PHYHD1: variants seen among roughly 807,000 people sequenced by gnomAD.
PHYHD1 encodes the protein phytanoyl-CoA dioxygenase domain-containing protein 1.
In PHYHD1, 42 loss-of-function variants were observed where a neutral mutation model predicts 43.6. The observed-to-expected ratio is 0.96, with a 90% CI of 0.75 to 1.25. The LOEUF is 1.25. Among genes scored for constraint, PHYHD1 ranks in the 50% most tolerant of loss-of-function variants. The probability of loss-of-function intolerance (pLI) is 0.00; values close to 1 mark genes in which losing one functional copy is unlikely to be tolerated. For missense variants in PHYHD1, 342 were observed against 370.8 expected (o/e 0.92, Z 0.64); for synonymous variants, 139 against 143.6 (o/e 0.97, Z 0.23).
chr9:128,940,436 C>A lies in PHYHD1; in HGVS notation c.525C>A (p.Ile175=). Residue 175 remains isoleucine, a synonymous_variant, in exon 10 of 13, where the codon ATC becomes ATA. Transcript: ENST00000372592. ...TGGGCCGGGTGCTGGGCGTGTGGAT[C>A]GCAGTGGAGGATGCCACGCTGGAGA... ...EPLGRVLGVW[I]AVEDATLENG... The A allele has an allele frequency of 6.2e-7, 1 of 1,614,170 alleles. No individual in the cohort carries two copies. The highest frequency in any genetic ancestry group is 8.5e-7 in the Non-Finnish European group (1 of 1,180,042).
chr9:128,939,345 C>G (rs531328832), intron 9 of PHYHD1, among the ~76,000 whole-genome samples: 2 of 127,294 alleles, frequency 1.6e-5, no homozygotes, highest in South Asian at 5.3e-4. Flanking sequence ...TTTGGGAGGC[C>G]GAGGGGGTAG....
chr9:128,937,731 C>A (rs775724241), intron 8 of PHYHD1, 26 bp from the exon 9 acceptor site: 137 of 1,613,726 alleles, frequency 8.5e-5, no homozygotes, highest in Non-Finnish European at 1.1e-4. Flanking sequence ...CTTCTGTCCT[C>A]ACCAGGCTTT....
Position 128,936,450 on chromosome 9 carries a change from C to G in PHYHD1, c.319C>G (p.Leu107Val). The G allele has an allele frequency of 6.2e-7, 1 of 1,611,996 alleles. No homozygotes were observed. The highest frequency in any genetic ancestry group is 8.5e-7 in the Non-Finnish European group (1 of 1,179,298). The change falls in exon 7 of 13, where the codon CTG (leucine) becomes GTG (valine). Residue 107 changes from leucine to valine, a missense_variant and splice_region_variant. Physicochemically the swap from Leu to Val is conservative, Grantham distance 32 (BLOSUM62 1). Coordinates refer to ENST00000372592, the MANE Select transcript of PHYHD1 (RefSeq NM_001100876.2). ...GACAGCTTCCTTCTGTCCCATAGCT[C>G]TGCACGCCCACGACCCCGTCTTCAA... is the stretch of plus-strand genomic sequence containing the variant. The part of the protein sequence containing the change: ...EKSINKIGHA[L>V]HAHDPVFKSI...
chr9:128,932,154 A>ATTATTATTATTATTG (rs1270926740), intron 4 of PHYHD1, among the ~76,000 whole-genome samples: 28 of 109,712 alleles, frequency 2.6e-4, no homozygotes, highest in Non-Finnish European at 5.2e-4. Flanking sequence ...CAGTTCTATT[A>ATTATTATTATTATTG]TTATTATTAT....
intron 11 of PHYHD1, among the ~76,000 whole-genome samples, chr9:128,941,003 GTGAGATGAT>G (rs1190182217): frequency 1.3e-4 from 20 of 152,234 alleles, no homozygotes; most frequent in African/African-American, 4.8e-4. Flanking sequence ...TGGAAAGTCA[GTGAGATGAT>G]AAATATGTTG....
chr9:128,932,166 A>ATTT (rs1564540372), intron 4 of PHYHD1, among the ~76,000 whole-genome samples: 12 of 122,714 alleles, frequency 9.8e-5, no homozygotes, highest in African/African-American at 3.8e-4. Context: ...TATTATTATT[A>ATTT]TTGTTATTAT....
chr9:128,927,000 G>T, intron 3 of PHYHD1, 38 bp from the exon 4 acceptor site: 1 of 1,613,966 alleles, frequency 6.2e-7, no homozygotes, highest in Non-Finnish European at 8.5e-7. Flanking sequence ...AGGAGCATTT[G>T]CAGACTGGGG....
intron 3 of PHYHD1, among the ~76,000 whole-genome samples, chr9:128,925,753 A>C (rs1588244650): frequency 6.7e-6 from 1 of 150,316 alleles, no homozygotes; most frequent in Non-Finnish European, 1.5e-5. Flanking sequence ...CTCCTCTTCC[A>C]CCCCTCCCCT....
intron 4 of PHYHD1, among the ~76,000 whole-genome samples, chr9:128,930,732 A>G (rs1001031964): frequency 2.0e-5 from 3 of 152,024 alleles, no homozygotes; most frequent in Non-Finnish European, 4.4e-5. Context: ...GGGGGATCAC[A>G]AGGTCAGGAG....
At position 128,936,622 on chromosome 9, in the gene PHYHD1, G is replaced by A. The variant is rs138183594; in HGVS notation, c.412G>A (p.Val138Met). ...RSLGLQMPVVVQSMYIFKQPH... is the reference protein window; with the variant it reads ...RSLGLQMPVVMQSMYIFKQPH... Reference sequence around the variant, plus strand: ...TCTGGGCCTCCAGATGCCCGTGGTGGTGCAGAGCATGTACATCTTTAAGGT... The same window carrying A: ...TCTGGGCCTCCAGATGCCCGTGGTGATGCAGAGCATGTACATCTTTAAGGT... Residue 138 changes from valine (V) to methionine (M), a missense_variant, in exon 8 of 13, where the codon GTG (valine) becomes ATG (methionine). Physicochemically the swap from Val to Met is conservative, Grantham distance 21. Coordinates refer to ENST00000372592, the MANE Select transcript of PHYHD1 (RefSeq NM_001100876.2). 35 of 1,557,932 alleles carry A rather than the reference G, an allele frequency of 2.2e-5. No individual in the cohort carries two copies. In the African/African-American group the frequency reaches 4.6e-4, roughly 21 times the overall value.
chr9:128,928,061 G>A (rs1312532652), intron 4 of PHYHD1, among the ~76,000 whole-genome samples: 1 of 152,254 alleles, frequency 6.6e-6, no homozygotes, highest in African/African-American at 2.4e-5. Context: ...GCCTGCTTGC[G>A]CCTGGGCCAG....
intron 4 of PHYHD1, among the ~76,000 whole-genome samples, chr9:128,932,243 A>G (rs1313196824): frequency 6.7e-6 from 1 of 149,260 alleles, no homozygotes; most frequent in Non-Finnish European, 1.5e-5. Context: ...CAATGGCACA[A>G]TCTCAGCTCA....
At chr9:128,937,663 C>T in intron 8 of PHYHD1, 94 bp from the exon 9 acceptor site, 1 of 1,450,038 alleles carries the variant, frequency 6.9e-7, no homozygotes, top group East Asian at 2.3e-5. Flanking sequence ...AGGAAAATGC[C>T]TGTGGCCAGA....
At chr9:128,932,820 CTTAT>C (rs36079303) in intron 4 of PHYHD1, among the ~76,000 whole-genome samples, 9,123 of 141,748 alleles carry the variant, frequency 0.064, 313 homozygotes, top group Middle Eastern at 0.12. Context: ...ATTATTATTC[CTTAT>C]TTATTTATTT....
At chr9:128,935,782 G>C (rs1350389928) in intron 6 of PHYHD1, among the ~76,000 whole-genome samples, 2 of 151,876 alleles carry the variant, frequency 1.3e-5, no homozygotes, top group Admixed American at 6.6e-5. Flanking sequence ...CATGCCTGTA[G>C]TCCCAGCTGC....
chr9:128,933,653 G>A, intron 4 of PHYHD1, 129 bp from the exon 5 acceptor site: 2 of 990,606 alleles, frequency 2.0e-6, no homozygotes, highest in Admixed American at 1.8e-5. Context: ...CAGTGGACAA[G>A]TCTGAGAAGC....
Position 128,922,065 on chromosome 9 carries a change from G to C in PHYHD1, c.-42+18G>C. On this transcript the variant is annotated intron_variant, in intron 2 of 12. Transcript: ENST00000372592. ...GGCACCTGGTAAGCAGTGGTGGGGG[G>C]TGGTTTCCAGAAGAAACACAGAGGA... 1.9e-6 allele frequency: 1 copy of C among 524,330 alleles called. No individual in the cohort carries two copies. The highest frequency in any genetic ancestry group is 3.4e-6 in the Non-Finnish European group (1 of 294,716). 32.5% of individuals were successfully genotyped at this position (524,330 alleles called of 1,614,324 possible). A position where few individuals can be genotyped will look rare whatever the true frequency, so the allele number is the denominator to read the frequency against.
Position 128,939,216 on chromosome 9 carries a change from G to A in PHYHD1, c.458-1153G>A, listed in dbSNP as rs1248438561. ...GCAACCTGTTTGTTCTGTTGCTGAG[G>A]ACCATGTTCCTTTGTTCGGTGGTTC... is the stretch of plus-strand genomic sequence containing the variant. On this transcript the variant is annotated intron_variant, in intron 9 of 12. Transcript: ENST00000372592. Among the ~76,000 whole-genome samples the A allele has an allele frequency of 2.3e-5, 3 of 131,262 alleles. 1 individual carries two copies. The highest frequency in any genetic ancestry group is 1.8e-5 in the Non-Finnish European group (1 of 56,498). The allele number at this position is 131,262 out of a possible 152,430, so 86.1% of individuals were successfully genotyped here. A position where few individuals can be genotyped will look rare whatever the true frequency, so the allele number is the denominator to read the frequency against.
intron 2 of PHYHD1, 64 bp from the exon 3 acceptor site, chr9:128,922,219 G>C: frequency 7.0e-7 from 1 of 1,426,618 alleles, no homozygotes; most frequent in South Asian, 1.2e-5. Flanking sequence ...GGTGGGACCG[G>C]GTTTTCTCCG....
Sources: gnomAD v4.1 joint callset for allele counts (sites outside exome capture counted in the v4.1 genomes callset) on GRCh38, gnomAD v4.1.1 for gene constraint, MANE v1.5 for transcripts, NCBI Gene and HGNC (gene_info 2026-07-23, HGNC 2026-07-21) for gene names.